The following KCNAB1 variants were observed in gnomAD, a reference collection of about 807,000 sequenced individuals.
The protein encoded by KCNAB1 is voltage-gated potassium channel subunit beta-1.
KCNAB1 carries 35 observed loss-of-function variants against 64.6 expected under a neutral mutation model. The ratio of observed to expected loss-of-function variants is 0.54; its 90% CI spans 0.41 to 0.72. KCNAB1 has a LOEUF of 0.72. KCNAB1 is among the 30% of genes least tolerant of loss of function. The pLI, the probability that KCNAB1 is intolerant of heterozygous loss-of-function variation, is 0.00. For missense variants in KCNAB1, 401 were observed against 512.9 expected (o/e 0.78, Z 2.11); for synonymous variants, 177 against 183.8 (o/e 0.96, Z 0.30).
At chr3:156,175,858 C>T in intron 1 of KCNAB1, 1 of 702,734 alleles carries the variant, frequency 1.4e-6, no homozygotes, top group Non-Finnish European at 2.7e-6. Flanking sequence ...GTCTTCCATT[C>T]CATATCCCAA....
rs201295225 is a variant in KCNAB1 at position 156,288,791 on chromosome 3, A to G, written c.276-132825A>G. ...TCATCTACACACAAGAGGTGCAGAC[A>G]TGAATGTGGGGCAATTATCCACTCC... On this transcript the variant is annotated intron_variant, in intron 1 of 13. Coordinates refer to ENST00000490337, the MANE Select transcript of KCNAB1 (RefSeq NM_172160.3). 6.6e-5 allele frequency among the ~76,000 whole-genome samples: 10 copies of G among 152,370 alleles called. No homozygotes were observed. In the East Asian group the frequency reaches 1.2e-3, roughly 18 times the overall value.
intron 1 of KCNAB1, among the ~76,000 whole-genome samples, chr3:156,414,785 C>A (rs1714931717): frequency 6.6e-6 from 1 of 152,134 alleles, no homozygotes; most frequent in African/African-American, 2.4e-5. Flanking sequence ...ACAGGAAAAG[C>A]AAAGAGTAGC....
At chr3:156,139,638 T>G (rs575534649) in intron 1 of KCNAB1, among the ~76,000 whole-genome samples, 1 of 150,414 alleles carries the variant, frequency 6.6e-6, no homozygotes, top group South Asian at 2.1e-4. Flanking sequence ...TGGCCTTTTC[T>G]TTATAAGCTC....
chr3:156,433,154 C>G (rs895156058), intron 2 of KCNAB1, among the ~76,000 whole-genome samples: 2 of 152,148 alleles, frequency 1.3e-5, no homozygotes, highest in Non-Finnish European at 2.9e-5. Flanking sequence ...CACACAGATG[C>G]CTGCCCTCAC....
intron 1 of KCNAB1, among the ~76,000 whole-genome samples, chr3:156,266,068 C>T (rs1718685127): frequency 6.6e-6 from 1 of 152,128 alleles, no homozygotes; most frequent in African/African-American, 2.4e-5. Context: ...GACCAACCAC[C>T]TCCCCTTGGA....
intron 1 of KCNAB1, among the ~76,000 whole-genome samples, chr3:156,324,575 G>A (rs1263351488): frequency 1.3e-5 from 2 of 152,090 alleles, no homozygotes; most frequent in Non-Finnish European, 2.9e-5. Context: ...GATGCCACAC[G>A]CTCACTTGAC....
At chr3:156,448,376 A>G (rs1331253615) in intron 2 of KCNAB1, among the ~76,000 whole-genome samples, 1 of 152,240 alleles carries the variant, frequency 6.6e-6, no homozygotes, top group African/African-American at 2.4e-5. Context: ...AATCATATTA[A>G]CTAACAAGTC....
intron 6 of KCNAB1, among the ~76,000 whole-genome samples, chr3:156,465,435 T>G (rs115863245): frequency 0.01 from 1,587 of 152,248 alleles, 20 homozygotes; most frequent in African/African-American, 0.037. Flanking sequence ...GTTAGTGGCT[T>G]GGTGACAGTC....
At chr3:156,446,544 T>A (rs562194636) in intron 2 of KCNAB1, among the ~76,000 whole-genome samples, 43 of 152,342 alleles carry the variant, frequency 2.8e-4, no homozygotes, top group South Asian at 1.2e-3. Flanking sequence ...GCAGTTCACA[T>A]GTGCTCTGTT....
chr3:156,360,211 A>G (rs867209374), intron 1 of KCNAB1, among the ~76,000 whole-genome samples: 17 of 152,246 alleles, frequency 1.1e-4, no homozygotes, highest in African/African-American at 3.9e-4. Context: ...ACATCATTGC[A>G]TCGAGCCTGA....
intron 13 of KCNAB1, among the ~76,000 whole-genome samples, chr3:156,532,097 G>A (rs1391201653): frequency 6.6e-6 from 1 of 152,180 alleles, no homozygotes; most frequent in Non-Finnish European, 1.5e-5. Context: ...CATGTTTTAA[G>A]AGAAATGGGC....
At chr3:156,426,937 C>G (rs1443221607) in intron 2 of KCNAB1, among the ~76,000 whole-genome samples, 1 of 152,074 alleles carries the variant, frequency 6.6e-6, no homozygotes, top group Non-Finnish European at 1.5e-5. Context: ...AAGACATGAT[C>G]AAAGGTATTA....
chr3:156,255,989 G>A (rs1451013811), intron 1 of KCNAB1, among the ~76,000 whole-genome samples: 3 of 152,070 alleles, frequency 2.0e-5, no homozygotes, highest in Admixed American at 6.6e-5. Context: ...CCCAGAGTGC[G>A]GTAGGTGTTC....
At chr3:156,530,637 C>A (rs9830714) in intron 12 of KCNAB1, among the ~76,000 whole-genome samples, 1 of 151,982 alleles carries the variant, frequency 6.6e-6, no homozygotes, top group East Asian at 1.9e-4. Context: ...GCAGATGCAG[C>A]ACTGATGGGG....
At chr3:156,390,652 G>A (rs969919527) in intron 1 of KCNAB1, among the ~76,000 whole-genome samples, 3 of 151,738 alleles carry the variant, frequency 2.0e-5, no homozygotes, top group East Asian at 1.9e-4. Flanking sequence ...GCATGATCTC[G>A]GCTCACTTCA....
At chr3:156,272,593 A>G (rs1719102048) in intron 1 of KCNAB1, among the ~76,000 whole-genome samples, 3 of 151,338 alleles carry the variant, frequency 2.0e-5, no homozygotes, top group Non-Finnish European at 2.9e-5. Context: ...CTGGGACTCT[A>G]CCTTCATAGC....
At chr3:156,327,889 T>G (rs1004361860) in intron 1 of KCNAB1, among the ~76,000 whole-genome samples, 1 of 152,162 alleles carries the variant, frequency 6.6e-6, no homozygotes, top group African/African-American at 2.4e-5. Flanking sequence ...ATAGCTTTCG[T>G]GTCTCCCTCT....
At chr3:156,169,248 C>T (rs1190079586) in intron 1 of KCNAB1, among the ~76,000 whole-genome samples, 1 of 152,098 alleles carries the variant, frequency 6.6e-6, no homozygotes, top group Non-Finnish European at 1.5e-5. Context: ...CATTTAGTCT[C>T]AATATCTTTA....
intron 1 of KCNAB1, among the ~76,000 whole-genome samples, chr3:156,182,636 C>CCT (rs201297953): frequency 2.6e-5 from 4 of 151,778 alleles, no homozygotes; most frequent in African/African-American, 7.2e-5. Context: ...TTTTCCCCCC[C>CCT]CCGGGTCTTA....
Sources: gnomAD v4.1 joint callset for allele counts (sites outside exome capture counted in the v4.1 genomes callset) on GRCh38, gnomAD v4.1.1 for gene constraint, MANE v1.5 for transcripts, NCBI Gene and HGNC (gene_info 2026-07-23, HGNC 2026-07-21) for gene names.